The following NALF1 variants were observed in gnomAD, a reference collection of about 807,000 sequenced individuals.
The protein encoded by NALF1 is NALCN channel auxiliary factor 1.
Under a neutral mutation model 48.4 loss-of-function variants are expected in NALF1, and 3 were observed. The ratio of observed to expected loss-of-function variants is 0.06; its 90% CI spans 0.03 to 0.16. NALF1 has a LOEUF of 0.16. Ranked by LOEUF, NALF1 falls within the 10% of genes least tolerant of loss-of-function variation. NALF1 has a pLI of 1.00. For missense variants in NALF1, 526 were observed against 571.5 expected (o/e 0.92, Z 0.81); for synonymous variants, 262 against 245.7 (o/e 1.07, Z -0.62).
intron 1 of NALF1, among the ~76,000 whole-genome samples, chr13:107,723,882 T>C (rs1421327651): frequency 1.3e-5 from 2 of 152,212 alleles, no homozygotes; most frequent in Non-Finnish European, 2.9e-5. Context: ...TGAGAAACTG[T>C]ACAAAGAGCC....
At chr13:107,333,831 G>A (rs1352458567) in intron 1 of NALF1, among the ~76,000 whole-genome samples, 1 of 152,142 alleles carries the variant, frequency 6.6e-6, no homozygotes, top group Non-Finnish European at 1.5e-5. Flanking sequence ...TTTGTAGATG[G>A]AATCATTTCT....
chr13:107,829,758 A>G (rs1038263718), intron 1 of NALF1, among the ~76,000 whole-genome samples: 2 of 152,206 alleles, frequency 1.3e-5, no homozygotes, highest in Admixed American at 6.5e-5. Context: ...TTTCCTCATC[A>G]GTGAAGTTGG....
chr13:107,467,032 G>C (rs1885015242), intron 1 of NALF1, among the ~76,000 whole-genome samples: 1 of 152,120 alleles, frequency 6.6e-6, no homozygotes, highest in Non-Finnish European at 1.5e-5. Flanking sequence ...ATGATGCATA[G>C]TAATTTCTTA....
At chr13:107,312,688 G>C (rs541036070) in intron 1 of NALF1, among the ~76,000 whole-genome samples, 6 of 152,236 alleles carry the variant, frequency 3.9e-5, no homozygotes, top group African/African-American at 1.2e-4. Context: ...ACGAAATTAA[G>C]AGATATCTAA....
chr13:107,506,773 C>T (rs1037494071), intron 1 of NALF1, among the ~76,000 whole-genome samples: 3 of 151,824 alleles, frequency 2.0e-5, no homozygotes, highest in Non-Finnish European at 4.4e-5. Flanking sequence ...TATCTTTATC[C>T]ACTTATCACT....
chr13:107,326,565 A>T (rs918575219), intron 1 of NALF1, among the ~76,000 whole-genome samples: 2 of 152,224 alleles, frequency 1.3e-5, no homozygotes, highest in African/African-American at 4.8e-5. Flanking sequence ...CCAGTAGATT[A>T]GTCCAGATTT....
chr13:107,533,704 GAAAAC>G (rs955837652), intron 1 of NALF1, among the ~76,000 whole-genome samples: 6 of 152,036 alleles, frequency 3.9e-5, no homozygotes, highest in Non-Finnish European at 8.8e-5. Flanking sequence ...CCATCTTTCA[GAAAAC>G]AAAACAAAAC....
intron 1 of NALF1, among the ~76,000 whole-genome samples, chr13:107,300,829 G>A (rs182210194): frequency 2.0e-3 from 312 of 152,238 alleles, no homozygotes; most frequent in Non-Finnish European, 3.1e-3. Context: ...AGCTAAACGA[G>A]AGGAACAGAT....
intron 1 of NALF1, among the ~76,000 whole-genome samples, chr13:107,842,670 A>G (rs901839111): frequency 4.5e-4 from 68 of 151,722 alleles, no homozygotes; most frequent in African/African-American, 1.5e-3. Flanking sequence ...GCAGGTCTAC[A>G]AAAGTAGACC....
At chr13:107,760,898 G>A (rs186183295) in intron 1 of NALF1, among the ~76,000 whole-genome samples, 69 of 152,212 alleles carry the variant, frequency 4.5e-4, no homozygotes, top group Admixed American at 2.6e-3. Context: ...GAAGGGAGCC[G>A]AAAGAGAAGA....
chr13:107,767,641 T>C (rs1877452412), intron 1 of NALF1, among the ~76,000 whole-genome samples: 1 of 152,212 alleles, frequency 6.6e-6, no homozygotes, highest in Non-Finnish European at 1.5e-5. Flanking sequence ...ATAAAAGTTA[T>C]CGGTACGCTG....
chr13:107,509,679 A>G (rs1443711650), intron 1 of NALF1, among the ~76,000 whole-genome samples: 1 of 152,218 alleles, frequency 6.6e-6, no homozygotes, highest in Admixed American at 6.5e-5. Context: ...ATCAGAAGTC[A>G]GCAACAAGTT....
chr13:107,690,710 T>C (rs575708760), intron 1 of NALF1, among the ~76,000 whole-genome samples: 43 of 152,284 alleles, frequency 2.8e-4, no homozygotes, highest in Non-Finnish European at 3.8e-4. Context: ...AGAGGAATGA[T>C]TGATGAGTTT....
chr13:107,655,549 G>A (rs1261077667), intron 1 of NALF1, among the ~76,000 whole-genome samples: 1 of 152,006 alleles, frequency 6.6e-6, no homozygotes, highest in Non-Finnish European at 1.5e-5. Flanking sequence ...GCTCATGGAT[G>A]GCTAGAAATT....
chr13:107,688,858 CAG>C (rs1345629159), intron 1 of NALF1, among the ~76,000 whole-genome samples: 1 of 152,198 alleles, frequency 6.6e-6, no homozygotes, highest in African/African-American at 2.4e-5. Context: ...GCTCCTGGGT[CAG>C]GTGACCGAAA....
In NALF1 at chr13:107,562,312, A is replaced by C. The variant is rs909615300; in HGVS notation, c.915+303370T>G. Among the ~76,000 whole-genome samples the C allele has an allele frequency of 2.6e-5, 4 of 152,148 alleles. No homozygotes were observed. In the East Asian group the frequency reaches 7.7e-4, roughly 29 times the overall value. ...CTAGCATCTGTGCAGTTTTATTTCT[A>C]AGAGAAACGACAGTCAAAGGCGTGC... On this transcript the variant is annotated intron_variant, in intron 1 of 2. Coordinates refer to ENST00000375915, the MANE Select transcript of NALF1 (RefSeq NM_001080396.3).
chr13:107,697,607 G>T (rs1201826462), intron 1 of NALF1, among the ~76,000 whole-genome samples: 1 of 151,756 alleles, frequency 6.6e-6, no homozygotes, highest in Non-Finnish European at 1.5e-5. Context: ...AAATTTTATT[G>T]GTTTGAAATA....
intron 1 of NALF1, among the ~76,000 whole-genome samples, chr13:107,709,711 A>C (rs1165589532): frequency 6.6e-6 from 1 of 152,222 alleles, no homozygotes; most frequent in African/African-American, 2.4e-5. Flanking sequence ...GATTTTATCT[A>C]AGCAATTTAT....
intron 1 of NALF1, among the ~76,000 whole-genome samples, chr13:107,730,265 T>A (rs957275957): frequency 1.3e-5 from 2 of 152,238 alleles, no homozygotes; most frequent in African/African-American, 2.4e-5. Context: ...GATACAAGAA[T>A]GCATTTCCCA....
Sources: gnomAD v4.1 joint callset for allele counts (sites outside exome capture counted in the v4.1 genomes callset) on GRCh38, gnomAD v4.1.1 for gene constraint, MANE v1.5 for transcripts, NCBI Gene and HGNC (gene_info 2026-07-23, HGNC 2026-07-21) for gene names.